PCDH7: variants seen among roughly 807,000 people sequenced by gnomAD.
PCDH7 encodes the protein protocadherin-7.
A neutral mutation model predicts 58.9 loss-of-function variants in PCDH7; 17 were observed. That is an observed-to-expected ratio of 0.29 (90% CI 0.20 to 0.43). The LOEUF (loss-of-function observed/expected upper bound fraction) is 0.43. Among genes scored for constraint, PCDH7 ranks in the 20% least tolerant of loss-of-function variants. PCDH7 has a pLI of 1.00. For missense variants in PCDH7, 1,274 were observed against 1,441.0 expected (o/e 0.88, Z 1.88); for synonymous variants, 664 against 616.4 (o/e 1.08, Z -1.14).
At chr4:30,993,224 A>G (rs551524395) in intron 3 of PCDH7, among the ~76,000 whole-genome samples, 1 of 152,180 alleles carries the variant, frequency 6.6e-6, no homozygotes, top group Non-Finnish European at 1.5e-5. Flanking sequence ...ATGCCTACCT[A>G]TGGCTCTTCC....
At chr4:31,085,393 T>G (rs1318010325) in intron 3 of PCDH7, among the ~76,000 whole-genome samples, 1 of 152,178 alleles carries the variant, frequency 6.6e-6, no homozygotes, top group Non-Finnish European at 1.5e-5. Context: ...ATATCTCATC[T>G]TGTGGCTAAT....
At chr4:30,989,740 A>G (rs1292559402) in intron 3 of PCDH7, among the ~76,000 whole-genome samples, 2 of 152,148 alleles carry the variant, frequency 1.3e-5, no homozygotes, top group Admixed American at 6.6e-5. Flanking sequence ...TAATGATTGA[A>G]TAGGGGTTAT....
intron 3 of PCDH7, among the ~76,000 whole-genome samples, chr4:31,137,511 G>T (rs1053292695): frequency 6.6e-6 from 1 of 152,194 alleles, no homozygotes; most frequent in African/African-American, 2.4e-5. Flanking sequence ...TTGAACCCAG[G>T]AGGCAGAGGT....
intron 1 of PCDH7, among the ~76,000 whole-genome samples, chr4:30,872,158 A>G (rs753966465): frequency 5.3e-5 from 8 of 152,058 alleles, no homozygotes; most frequent in Non-Finnish European, 1.2e-4. Context: ...TTTGTTTTTT[A>G]AGTTCCTTAC....
At position 31,074,784 on chromosome 4, in the gene PCDH7, C is replaced by CAAAA. The variant is rs1157267696; in HGVS notation, c.*8-67669_*8-67666dup. ...TGGGCTACAGAGGGAGATTCCGTCTCAAAAAAAAAAAAAAAAAAAAAAAGC... is the reference window on the plus strand; with the variant it reads ...TGGGCTACAGAGGGAGATTCCGTCTCAAAAAAAAAAAAAAAAAAAAAAAAAAAGC... On this transcript the variant is annotated intron_variant, in intron 3 of 3. Transcript: ENST00000509759. Among the ~76,000 whole-genome samples the CAAAA allele has an allele frequency of 5.8e-3, 301 of 52,318 alleles. 21 individuals are homozygous for CAAAA. Among genetic ancestry groups the CAAAA allele is most frequent in the East Asian group, 0.042 (41 of 974 alleles). 34.3% of individuals were successfully genotyped at this position (52,318 alleles called of 152,430 possible).
At chr4:30,970,728 T>A (rs570311617) in intron 3 of PCDH7, among the ~76,000 whole-genome samples, 1 of 152,302 alleles carries the variant, frequency 6.6e-6, no homozygotes, top group East Asian at 1.9e-4. Flanking sequence ...ACAGAATACA[T>A]CACTAATTGT....
intron 1 of PCDH7, among the ~76,000 whole-genome samples, chr4:30,894,520 C>T (rs776118533): frequency 0.026 from 989 of 37,740 alleles, 6 homozygotes; most frequent in African/African-American, 0.069. Flanking sequence ...TATATATACA[C>T]ACACACACAC....
At chr4:30,734,069 TA>T (rs34895355), downstream of PCDH7, among the ~76,000 whole-genome samples, 4 of 150,680 alleles carry the variant, frequency 2.7e-5, no homozygotes, top group Admixed American at 1.3e-4. Context: ...TAGGTTATCT[TA>T]AAAAAAAACA....
chr4:30,848,890 T>C (rs1467571818), intron 1 of PCDH7, among the ~76,000 whole-genome samples: 1 of 152,096 alleles, frequency 6.6e-6, no homozygotes, highest in African/African-American at 2.4e-5. Context: ...TTGGAAATAC[T>C]ATTTTCTTTC....
At chr4:30,750,619 C>T (rs1337028389) in intron 1 of PCDH7, among the ~76,000 whole-genome samples, 2 of 152,056 alleles carry the variant, frequency 1.3e-5, no homozygotes, top group East Asian at 3.9e-4. Flanking sequence ...TTTGTGTTTG[C>T]TCACCATAAT....
chr4:31,122,049 G>C (rs1307972215), intron 3 of PCDH7, among the ~76,000 whole-genome samples: 1 of 151,948 alleles, frequency 6.6e-6, no homozygotes, highest in African/African-American at 2.4e-5. Flanking sequence ...CAAGTCTGAT[G>C]ATGACTATTT....
intron 1 of PCDH7, among the ~76,000 whole-genome samples, chr4:30,887,069 A>G (rs578108483): frequency 6.6e-6 from 1 of 151,364 alleles, no homozygotes; most frequent in Non-Finnish European, 1.5e-5. Flanking sequence ...AGCATGGCAC[A>G]TGTATACATA....
chr4:30,977,950 C>A (rs1031053831), intron 3 of PCDH7, among the ~76,000 whole-genome samples: 1 of 152,132 alleles, frequency 6.6e-6, no homozygotes, highest in Non-Finnish European at 1.5e-5. Context: ...TGCAGAGATG[C>A]ATGCTCCTTA....
At chr4:30,759,465 AACTC>A (rs1719751832) in intron 1 of PCDH7, among the ~76,000 whole-genome samples, 1 of 152,178 alleles carries the variant, frequency 6.6e-6, no homozygotes, top group Non-Finnish European at 1.5e-5. Flanking sequence ...AAGACGAAGA[AACTC>A]AATTAAGCAG....
intron 1 of PCDH7, chr4:30,724,801 G>T (rs866095959): frequency 7.2e-7 from 1 of 1,397,484 alleles, no homozygotes; most frequent in African/African-American, 1.5e-5. Context: ...TAGAATTAAG[G>T]TTCACTAAAC....
chr4:30,750,175 T>G (rs1014321153), intron 1 of PCDH7, among the ~76,000 whole-genome samples: 2 of 152,174 alleles, frequency 1.3e-5, no homozygotes, highest in African/African-American at 4.8e-5. Context: ...CTCTTCCACC[T>G]TTAGGCTAAA....
chr4:31,002,079 A>G (rs772970930), intron 3 of PCDH7, among the ~76,000 whole-genome samples: 8 of 152,314 alleles, frequency 5.3e-5, no homozygotes, highest in Non-Finnish European at 7.3e-5. Context: ...ACCATAGATA[A>G]CAATTGCTCC....
intron 3 of PCDH7, among the ~76,000 whole-genome samples, chr4:31,114,668 C>CACAT (rs397992808): frequency 6.9e-6 from 1 of 145,284 alleles, no homozygotes; most frequent in Non-Finnish European, 1.5e-5. Context: ...CACACACACA[C>CACAT]GAAGAGATGG....
At chr4:30,876,272 A>G (rs1436172981) in intron 1 of PCDH7, among the ~76,000 whole-genome samples, 1 of 152,136 alleles carries the variant, frequency 6.6e-6, no homozygotes, top group Non-Finnish European at 1.5e-5. Context: ...GCAAAGTTTT[A>G]GTAAACATAT....
Sources: gnomAD v4.1 joint callset for allele counts (sites outside exome capture counted in the v4.1 genomes callset) on GRCh38, gnomAD v4.1.1 for gene constraint, MANE v1.5 for transcripts, NCBI Gene and HGNC (gene_info 2026-07-23, HGNC 2026-07-21) for gene names.